FAM81B: variants seen among roughly 807,000 people sequenced by gnomAD.
FAM81B encodes family with sequence similarity 81 member B.
FAM81B carries 60 observed loss-of-function variants against 58.7 expected under a neutral mutation model. The observed-to-expected ratio is 1.02, with a 90% CI of 0.83 to 1.27. The LOEUF (loss-of-function observed/expected upper bound fraction) is 1.27. FAM81B is among the 50% of genes most tolerant of loss of function. FAM81B has a pLI of 0.00. For missense variants in FAM81B, 491 were observed against 522.0 expected (o/e 0.94, Z 0.58); for synonymous variants, 189 against 179.6 (o/e 1.05, Z -0.42).
intron 1 of FAM81B, 32 bp from the exon 2 acceptor site, chr5:95,392,762 T>C: frequency 1.3e-6 from 2 of 1,573,002 alleles, no homozygotes; most frequent in South Asian, 1.2e-5. Context: ...TTGTCATAGT[T>C]CCTGACCTGA....
intron 5 of FAM81B, among the ~76,000 whole-genome samples, chr5:95,426,320 C>G (rs932562197): frequency 6.6e-6 from 1 of 151,924 alleles, no homozygotes; most frequent in African/African-American, 2.4e-5. Flanking sequence ...GAGGAGGAGG[C>G]AGAGGAACTC....
Position 95,445,338 on chromosome 5 carries a change from G to C in FAM81B, c.894-1224G>C, listed in dbSNP as rs1339667278. ...TCTAACAGTTTTACCTATTCTAAAA[G>C]GGAATTTGAAGCCAACATCTTATCA... is the stretch of plus-strand genomic sequence containing the variant. On this transcript the variant is annotated intron_variant, in intron 7 of 9. Coordinates refer to ENST00000283357, the MANE Select transcript of FAM81B (RefSeq NM_152548.3). Among the ~76,000 whole-genome samples the C allele has an allele frequency of 2.6e-5, 4 of 152,094 alleles. No individual in the cohort carries two copies. In the East Asian group the frequency reaches 7.7e-4, roughly 29 times the overall value.
At chr5:95,411,163 G>C (rs1032490750) in intron 3 of FAM81B, among the ~76,000 whole-genome samples, 1 of 152,104 alleles carries the variant, frequency 6.6e-6, no homozygotes, top group African/African-American at 2.4e-5. Context: ...ACCTGTATTT[G>C]GGGACTATAT....
chr5:95,429,825 C>T (rs1744799658), intron 6 of FAM81B, among the ~76,000 whole-genome samples: 1 of 152,136 alleles, frequency 6.6e-6, no homozygotes, highest in African/African-American at 2.4e-5. Context: ...TTGCTGCTGG[C>T]TATTGGTTAG....
intron 7 of FAM81B, among the ~76,000 whole-genome samples, chr5:95,439,717 T>G (rs1745256271): frequency 6.6e-6 from 1 of 152,114 alleles, no homozygotes; most frequent in African/African-American, 2.4e-5. Context: ...TAAAAAAAAG[T>G]AAACTGCTGC....
chr5:95,423,070 T>G (rs6894872), intron 5 of FAM81B, among the ~76,000 whole-genome samples: 31,356 of 152,102 alleles, frequency 0.21, 3,372 homozygotes, highest in African/African-American at 0.26. Context: ...ATGACTAATG[T>G]ACAAGCTAAG....
chr5:95,397,254 G>A (rs1761989529), intron 3 of FAM81B, among the ~76,000 whole-genome samples: 1 of 151,946 alleles, frequency 6.6e-6, no homozygotes, highest in African/African-American at 2.4e-5. Flanking sequence ...ATATGACTAT[G>A]AGTCTATGAT....
At chr5:95,430,803 T>C (rs752004779) in intron 6 of FAM81B, among the ~76,000 whole-genome samples, 7 of 152,048 alleles carry the variant, frequency 4.6e-5, no homozygotes, top group Admixed American at 2.0e-4. Flanking sequence ...TTCACCTCAT[T>C]GCACACCCAC....
At chr5:95,397,376 C>CA (rs1255770714) in intron 3 of FAM81B, among the ~76,000 whole-genome samples, 1 of 152,112 alleles carries the variant, frequency 6.6e-6, no homozygotes, top group African/African-American at 2.4e-5. Context: ...GTAGTATGCA[C>CA]AAAAATAATT....
intron 5 of FAM81B, among the ~76,000 whole-genome samples, chr5:95,425,844 T>C (rs1343383538): frequency 6.8e-6 from 1 of 147,492 alleles, no homozygotes; most frequent in African/African-American, 2.7e-5. Context: ...AGATAATATC[T>C]AAAGTTGGTA....
chr5:95,412,886 G>C (rs1229842661), intron 3 of FAM81B, among the ~76,000 whole-genome samples: 1 of 152,174 alleles, frequency 6.6e-6, no homozygotes, highest in African/African-American at 2.4e-5. Context: ...CAAAGTGAAG[G>C]ATGCACTAGG....
intron 9 of FAM81B, 54 bp downstream of exon 9, chr5:95,448,518 CCTCAGTCTTCCA>C: frequency 6.7e-7 from 1 of 1,492,574 alleles, no homozygotes. Context: ...CTGTTCAATC[CCTCAGTCTTCCA>C]CTTTGAGCTA....
intron 3 of FAM81B, among the ~76,000 whole-genome samples, chr5:95,398,138 G>A (rs1460758409): frequency 6.6e-6 from 1 of 152,080 alleles, no homozygotes; most frequent in Admixed American, 6.6e-5. Flanking sequence ...AACTTCACTG[G>A]CCAGGCACAG....
intron 5 of FAM81B, among the ~76,000 whole-genome samples, chr5:95,423,844 A>G (rs1008555765): frequency 6.6e-6 from 1 of 152,154 alleles, no homozygotes; most frequent in African/African-American, 2.4e-5. Context: ...TCCTTCTCAG[A>G]TTTAAACATA....
At chr5:95,420,157 C>T (rs1762639598) in intron 4 of FAM81B, 127 bp from the exon 5 acceptor site, 3 of 1,098,294 alleles carry the variant, frequency 2.7e-6, no homozygotes, top group Non-Finnish European at 4.0e-6. Flanking sequence ...TGAGATAGGA[C>T]TCTCTCACTC....
At chr5:95,422,226 T>C (rs914033301) in intron 5 of FAM81B, among the ~76,000 whole-genome samples, 2 of 151,856 alleles carry the variant, frequency 1.3e-5, no homozygotes, top group African/African-American at 4.8e-5. Context: ...ATACATATGG[T>C]TGAAAAACAC....
intron 3 of FAM81B, among the ~76,000 whole-genome samples, chr5:95,408,172 C>T (rs1403825081): frequency 3.3e-5 from 5 of 151,452 alleles, no homozygotes; most frequent in African/African-American, 1.2e-4. Context: ...GGGTGAGGAG[C>T]AAACCACACA....
At chr5:95,425,631 G>C (rs9314140) in intron 5 of FAM81B, among the ~76,000 whole-genome samples, 1,622 of 151,866 alleles carry the variant, frequency 0.011, 9 homozygotes, top group Non-Finnish European at 0.017. Flanking sequence ...TCTTAGAAAA[G>C]AAATCATGGT....
chr5:95,400,428 A>G (rs866213965), intron 3 of FAM81B, among the ~76,000 whole-genome samples: 10 of 96,902 alleles, frequency 1.0e-4, no homozygotes, highest in African/African-American at 3.3e-4. Flanking sequence ...ACATACATAC[A>G]TACATACACA....
Sources: allele counts gnomAD v4.1 joint callset (sites outside exome capture counted in the v4.1 genomes callset), GRCh38; gene constraint gnomAD v4.1.1; transcripts MANE v1.5; gene names NCBI Gene and HGNC (gene_info 2026-07-23, HGNC 2026-07-21).